Variants in DAB1 observed in about 807,000 individuals in gnomAD.
DAB1 encodes disabled homolog 1.
In DAB1, 15 loss-of-function variants were observed where a neutral mutation model predicts 64.6. The observed-to-expected ratio is 0.23, with a 90% CI of 0.16 to 0.36. The LOEUF (loss-of-function observed/expected upper bound fraction) is 0.36, where lower values mean the gene tolerates loss of function less well. DAB1 is among the 10% of genes least tolerant of loss of function. The pLI is 1.00. For missense variants in DAB1, 596 were observed against 706.7 expected, an observed-to-expected ratio of 0.84 and a Z score of 1.78; for synonymous variants, 235 against 251.9, an observed-to-expected ratio of 0.93 and a Z score of 0.64.
intron 4 of DAB1, among the ~76,000 whole-genome samples, chr1:58,329,050 A>G: frequency 6.6e-6 from 1 of 152,220 alleles, no homozygotes; most frequent in East Asian, 1.9e-4. Flanking sequence ...TGTTTCTTCT[A>G]TTAATCAGTG....
intron 4 of DAB1, among the ~76,000 whole-genome samples, chr1:58,303,705 G>A (rs1662226042): frequency 1.3e-5 from 2 of 152,142 alleles, no homozygotes; most frequent in African/African-American, 2.4e-5. Context: ...CTTATAAGGA[G>A]AAGAGGAAAC....
intron 8 of DAB1, among the ~76,000 whole-genome samples, chr1:57,064,780 G>T (rs1481259219): frequency 6.6e-6 from 1 of 152,152 alleles, no homozygotes; most frequent in Non-Finnish European, 1.5e-5. Flanking sequence ...AGTGAGCATG[G>T]CCGTGTCAGT....
At chr1:57,174,017 A>G (rs1662046681) in intron 2 of DAB1, among the ~76,000 whole-genome samples, 1 of 152,184 alleles carries the variant, frequency 6.6e-6, no homozygotes, top group South Asian at 2.1e-4. Flanking sequence ...TACTTCTGCA[A>G]GCATCCTCTT....
chr1:58,447,678 C>A (rs1337778030), intron 3 of DAB1, among the ~76,000 whole-genome samples: 1 of 152,058 alleles, frequency 6.6e-6, no homozygotes, highest in Non-Finnish European at 1.5e-5. Flanking sequence ...TATGACAGAA[C>A]AATGTGAGCT....
At chr1:58,409,686 C>G (rs927499800) in intron 3 of DAB1, among the ~76,000 whole-genome samples, 1 of 152,176 alleles carries the variant, frequency 6.6e-6, no homozygotes, top group Non-Finnish European at 1.5e-5. Context: ...CTCTCTAGAC[C>G]TCATTTTTAT....
intron 4 of DAB1, among the ~76,000 whole-genome samples, chr1:58,186,353 G>C (rs1044458058): frequency 6.6e-5 from 10 of 152,148 alleles, no homozygotes; most frequent in Admixed American, 5.9e-4. Context: ...GATTTTGTGA[G>C]CCAATTCGTA....
At chr1:57,034,173 G>A (rs1360811274) in intron 9 of DAB1, among the ~76,000 whole-genome samples, 5 of 151,798 alleles carry the variant, frequency 3.3e-5, no homozygotes, top group African/African-American at 4.8e-5. Context: ...CCAGCTACTC[G>A]GGAAGCTGAG....
intron 3 of DAB1, among the ~76,000 whole-genome samples, chr1:58,427,063 G>A (rs1027413823): frequency 2.0e-5 from 3 of 152,212 alleles, no homozygotes; most frequent in Non-Finnish European, 4.4e-5. Flanking sequence ...CGGTCAAGAA[G>A]CTAGAGGGAG....
At chr1:58,246,776 TTGTG>T (rs1305699584) in intron 4 of DAB1, among the ~76,000 whole-genome samples, 1 of 152,014 alleles carries the variant, frequency 6.6e-6, no homozygotes, top group African/African-American at 2.4e-5. Flanking sequence ...ATGTGTGAAA[TTGTG>T]TGTGAGTGGT....
In DAB1 at chr1:57,182,275, T is replaced by C. The variant is rs748321749; in HGVS notation, c.68-36846A>G. Among the ~76,000 whole-genome samples, 52 of 152,220 alleles carry C rather than the reference T, an allele frequency of 3.4e-4. 1 individual carries two copies. The highest frequency in any genetic ancestry group is 2.6e-4 in the Admixed American group (4 of 15,284). On this transcript the variant is annotated intron_variant, in intron 2 of 14. Coordinates refer to ENST00000371236, the MANE Select transcript of DAB1 (RefSeq NM_001365792.1). ...CAAACATTTACAGAACCCCCAACAA[T>C]AGCAGCTATCAATTACTAGTGTCCC...
At chr1:58,047,287 A>C (rs1647299615) in intron 5 of DAB1, among the ~76,000 whole-genome samples, 2 of 152,232 alleles carry the variant, frequency 1.3e-5, no homozygotes, top group Admixed American at 1.3e-4. Context: ...TCTTTAATCC[A>C]ATATATCTAA....
intron 4 of DAB1, among the ~76,000 whole-genome samples, chr1:58,288,038 A>AAAAAAAAAAAAAAAAAAAAAG (rs1557722959): frequency 5.7e-5 from 7 of 122,658 alleles, no homozygotes; most frequent in Non-Finnish European, 8.4e-5. Context: ...AAAAAAAAAA[A>AAAAAAAAAAAAAAAAAAAAAG]AAAAAAAGAA....
At chr1:57,916,794 T>C (rs1644733306) in intron 5 of DAB1, among the ~76,000 whole-genome samples, 1 of 151,762 alleles carries the variant, frequency 6.6e-6, no homozygotes, top group Non-Finnish European at 1.5e-5. Context: ...AAAAGAAAAA[T>C]TAGCCAGGCA....
chr1:57,837,686 G>A (rs1025625725), intron 1 of DAB1, among the ~76,000 whole-genome samples: 1 of 151,952 alleles, frequency 6.6e-6, no homozygotes, highest in Non-Finnish European at 1.5e-5. Context: ...ATCTCTTGCT[G>A]TGATTTCCCC....
intron 4 of DAB1, among the ~76,000 whole-genome samples, chr1:58,219,433 T>C (rs1464132574): frequency 6.6e-6 from 1 of 152,162 alleles, no homozygotes; most frequent in Non-Finnish European, 1.5e-5. Flanking sequence ...TGCAAAGGCT[T>C]CTCTGGTCTG....
chr1:57,073,848 G>A (rs745569807), intron 4 of DAB1, among the ~76,000 whole-genome samples: 2 of 152,164 alleles, frequency 1.3e-5, no homozygotes, highest in African/African-American at 4.8e-5. Context: ...ATATTTCTAT[G>A]TGCATGCAAA....
At chr1:57,438,909 C>T (rs1458331120) in intron 7 of DAB1, among the ~76,000 whole-genome samples, 2 of 152,238 alleles carry the variant, frequency 1.3e-5, no homozygotes, top group South Asian at 2.1e-4. Flanking sequence ...ACCTCATTTC[C>T]TCCTTCCTGA....
At chr1:57,048,862 A>G (rs894427770) in intron 9 of DAB1, among the ~76,000 whole-genome samples, 1 of 152,248 alleles carries the variant, frequency 6.6e-6, no homozygotes, top group African/African-American at 2.4e-5. Context: ...TGTTATTCAG[A>G]CATGCTTTCT....
At position 57,791,437 on chromosome 1, in the gene DAB1, A is replaced by G. The variant is rs78634965; in HGVS notation, n.551+92562T>C. Among the ~76,000 whole-genome samples the G allele has an allele frequency of 1.4e-4, 22 of 152,334 alleles. No homozygotes were observed. The East Asian group carries it at 4.1e-3, about 28-fold the overall frequency. Reference sequence around the variant, plus strand: ...TGACATGTTCATTATGAAAATATAAAAGGATATGACTATTTCACATATGGA... The same window carrying G: ...TGACATGTTCATTATGAAAATATAAGAGGATATGACTATTTCACATATGGA... On this transcript the variant is annotated intron_variant and non_coding_transcript_variant, in intron 6 of 20. Transcript: ENST00000485760.
Sources: allele counts gnomAD v4.1 joint callset (sites outside exome capture counted in the v4.1 genomes callset), GRCh38; gene constraint gnomAD v4.1.1; transcripts MANE v1.5; gene names NCBI Gene and HGNC (gene_info 2026-07-23, HGNC 2026-07-21).